FGF12: variants seen among roughly 807,000 people sequenced by gnomAD.
FGF12 encodes fibroblast growth factor 12B.
FGF12 carries 14 observed loss-of-function variants against 23.6 expected under a neutral mutation model. The observed-to-expected ratio is 0.59, with a 90% CI of 0.39 to 0.93. The LOEUF is 0.93. Ranked by LOEUF, FGF12 falls within the 40% of genes least tolerant of loss-of-function variation. The probability of loss-of-function intolerance (pLI) is 0.00; values close to 1 mark genes in which losing one functional copy is unlikely to be tolerated. For missense variants in FGF12, 175 were observed against 217.8 expected (o/e 0.80, Z 1.24); for synonymous variants, 62 against 77.3 (o/e 0.80, Z 1.04).
chr3:192,167,772 A>T (rs9680890), intron 5 of FGF12, among the ~76,000 whole-genome samples: 3,905 of 15,230 alleles, frequency 0.26, 580 homozygotes, highest in South Asian at 0.49. Context: ...TATATATAAA[A>T]TTTTTTTTTT....
chr3:192,363,541 A>G (rs934643236), intron 2 of FGF12, among the ~76,000 whole-genome samples: 3 of 152,162 alleles, frequency 2.0e-5, no homozygotes, highest in Non-Finnish European at 4.4e-5. Flanking sequence ...CCTGCATTAC[A>G]GAAGTTTCAA....
In FGF12 at chr3:192,360,466, C is replaced by A; in HGVS notation, c.86G>T (p.Gly29Val). 6.2e-7 allele frequency: 1 copy of A among 1,613,800 alleles called. No individual in the cohort carries two copies. Among genetic ancestry groups the A allele is most frequent in the Non-Finnish European group, 8.5e-7 (1 of 1,179,746 alleles). ...QGYFLQMHPD[G>V]TIDGTKDENS... is the part of the protein sequence containing the mutation. ...TTCGTCCTTGGTCCCATCAATGGTA[C>A]CATCTGGGTGCATCTGCAGGAAGTA... Residue 29 changes from glycine to valine, a missense_variant, in exon 3 of 6, where the codon GGT (glycine) becomes GTT (valine). Physicochemically the swap from Gly to Val is moderately radical, Grantham distance 109. Transcript: ENST00000445105. This position sits in a 1 kb window ranked among gnomAD's most constrained non-coding sequence, Gnocchi z 4.3.
At chr3:192,549,743 C>A (rs144915971) in intron 2 of FGF12, among the ~76,000 whole-genome samples, 7 of 152,302 alleles carry the variant, frequency 4.6e-5, no homozygotes, top group Admixed American at 1.3e-4. Flanking sequence ...CAAGAGGGAA[C>A]TCCTTCTGTC....
intron 4 of FGF12, among the ~76,000 whole-genome samples, chr3:192,305,695 T>TATATATATATATATATAA (rs1299668639): frequency 6.9e-6 from 1 of 144,784 alleles, no homozygotes; most frequent in African/African-American, 2.5e-5. Flanking sequence ...TATATATATA[T>TATATATATATATATATAA]AAATATATAT....
chr3:192,483,965 T>A (rs1211395591), intron 2 of FGF12, among the ~76,000 whole-genome samples: 1 of 152,006 alleles, frequency 6.6e-6, no homozygotes, highest in African/African-American at 2.4e-5. Flanking sequence ...ATATACATTA[T>A]AAAGAACAAA....
intron 2 of FGF12, among the ~76,000 whole-genome samples, chr3:192,362,201 C>T (rs1004192336): frequency 2.0e-5 from 3 of 152,084 alleles, no homozygotes; most frequent in Non-Finnish European, 4.4e-5. Flanking sequence ...AAGTCAGGGA[C>T]ACACTTGGCT....
chr3:192,308,201 T>G (rs1342743361), intron 4 of FGF12, among the ~76,000 whole-genome samples: 2 of 151,816 alleles, frequency 1.3e-5, no homozygotes, highest in African/African-American at 4.8e-5. Flanking sequence ...AACCAGACAG[T>G]AAAAGAACAA....
chr3:192,603,966 A>G (rs187756927), intron 2 of FGF12, among the ~76,000 whole-genome samples: 30 of 152,276 alleles, frequency 2.0e-4, no homozygotes, highest in East Asian at 1.5e-3. Context: ...TATCTCAACC[A>G]CACAGGACAG....
At chr3:192,612,130 G>T (rs1714570972) in intron 2 of FGF12, among the ~76,000 whole-genome samples, 1 of 151,902 alleles carries the variant, frequency 6.6e-6, no homozygotes, top group Non-Finnish European at 1.5e-5. Flanking sequence ...GCCAGTTCTT[G>T]GCCACGAAAA....
At chr3:192,365,615 CA>C (rs1487114330) in intron 2 of FGF12, among the ~76,000 whole-genome samples, 1 of 151,962 alleles carries the variant, frequency 6.6e-6, no homozygotes. Flanking sequence ...ATACTAAGTA[CA>C]GCTAAAAAAG....
chr3:192,576,223 A>G (rs776873690), intron 2 of FGF12, among the ~76,000 whole-genome samples: 2 of 152,242 alleles, frequency 1.3e-5, no homozygotes, highest in African/African-American at 2.4e-5. Context: ...GCACAGGGAA[A>G]GAACCATCTC....
chr3:192,692,959 C>G (rs886708473), intron 2 of FGF12, among the ~76,000 whole-genome samples: 7 of 149,586 alleles, frequency 4.7e-5, no homozygotes, highest in African/African-American at 1.7e-4. Context: ...GAAGTACCAG[C>G]AAGAATAACC....
intron 4 of FGF12, among the ~76,000 whole-genome samples, chr3:192,275,021 ATAT>A (rs1158591565): frequency 1.3e-5 from 2 of 152,228 alleles, no homozygotes; most frequent in East Asian, 3.9e-4. Context: ...ATGAAGCTGC[ATAT>A]TAATGTTTTA....
intron 2 of FGF12, among the ~76,000 whole-genome samples, chr3:192,683,867 G>A (rs148438438): frequency 0.019 from 2,953 of 152,152 alleles, 45 homozygotes; most frequent in Middle Eastern, 0.065. Context: ...CTTTCTGTTC[G>A]GCTGCAACTC....
At chr3:192,417,688 C>A (rs1560105394) in intron 2 of FGF12, among the ~76,000 whole-genome samples, 1 of 151,976 alleles carries the variant, frequency 6.6e-6, no homozygotes, top group Non-Finnish European at 1.5e-5. Flanking sequence ...TGGTAAAAAA[C>A]AAATGGTTTT....
chr3:192,561,784 T>C (rs1236557868), intron 2 of FGF12, among the ~76,000 whole-genome samples: 1 of 152,142 alleles, frequency 6.6e-6, no homozygotes. Context: ...ATCAGATTGT[T>C]TGCAAATTTG....
intron 2 of FGF12, among the ~76,000 whole-genome samples, chr3:192,587,157 G>T (rs1242728799): frequency 6.8e-6 from 1 of 148,042 alleles, no homozygotes; most frequent in Non-Finnish European, 1.5e-5. Context: ...GCTCCATCTA[G>T]CATTTCTGTT....
chr3:192,158,374 C>CTT (rs869133276), intron 5 of FGF12, among the ~76,000 whole-genome samples: 3 of 117,242 alleles, frequency 2.6e-5, no homozygotes, highest in South Asian at 2.7e-4. Context: ...TTCTTTCTTT[C>CTT]TTTCTTTCTT....
intron 2 of FGF12, among the ~76,000 whole-genome samples, chr3:192,439,268 A>G (rs1274768972): frequency 6.6e-6 from 1 of 152,170 alleles, no homozygotes; most frequent in African/African-American, 2.4e-5. Flanking sequence ...TGACACTATC[A>G]GTATTCTTTA....
Sources: gnomAD v4.1 joint callset for allele counts (sites outside exome capture counted in the v4.1 genomes callset) on GRCh38, gnomAD v4.1.1 for gene constraint, Gnocchi (gnomAD v3.1) non-coding constraint, MANE v1.5 for transcripts, NCBI Gene and HGNC (gene_info 2026-07-23, HGNC 2026-07-21) for gene names.